ARK2C: variants seen among roughly 807,000 people sequenced by gnomAD.
ARK2C encodes the protein E3 ubiquitin-protein ligase ARK2C.
the ARK2C span, among the ~76,000 whole-genome samples, chr18:46,363,204 G>A: frequency 3.3e-5 from 5 of 152,214 alleles, no homozygotes; most frequent in African/African-American, 1.2e-4. Flanking sequence ...TGGCTTTACT[G>A]TGTTGTCAGC....
chr18:46,378,480 T>C, the ARK2C span, among the ~76,000 whole-genome samples: 55 of 152,284 alleles, frequency 3.6e-4, 1 homozygote, highest in South Asian at 0.011. Context: ...TTTGCACCGC[T>C]TTCTGTAAGT....
the ARK2C span, among the ~76,000 whole-genome samples, chr18:46,358,130 C>T: frequency 6.6e-6 from 1 of 152,232 alleles, no homozygotes; most frequent in Non-Finnish European, 1.5e-5. Flanking sequence ...ATTAGGACAT[C>T]AACCTATCTT....
At chr18:46,400,407 T>G in the ARK2C span, among the ~76,000 whole-genome samples, 1 of 152,220 alleles carries the variant, frequency 6.6e-6, no homozygotes, top group Non-Finnish European at 1.5e-5. Flanking sequence ...AGCTCTGATG[T>G]CTCCCTTCTG....
At chr18:46,444,373 T>C in the ARK2C span, among the ~76,000 whole-genome samples, 1 of 152,192 alleles carries the variant, frequency 6.6e-6, no homozygotes, top group Non-Finnish European at 1.5e-5. Context: ...TCCCCTCTTT[T>C]TGGGTCTTTA....
chr18:46,451,551 T>C, the ARK2C span, among the ~76,000 whole-genome samples: 2 of 152,120 alleles, frequency 1.3e-5, no homozygotes, highest in Admixed American at 1.3e-4. Context: ...TCTCAGTGCT[T>C]TGGAAGGCTA....
the ARK2C span, among the ~76,000 whole-genome samples, chr18:46,362,096 T>C: frequency 6.6e-6 from 1 of 152,194 alleles, no homozygotes; most frequent in Admixed American, 6.5e-5. Context: ...CCCACTCATA[T>C]GGGAGTGTAA....
the ARK2C span, chr18:46,335,064 GTGTC>G: frequency 6.6e-6 from 1 of 152,410 alleles, no homozygotes; most frequent in African/African-American, 2.4e-5. Flanking sequence ...GTGTGTGTGT[GTGTC>G]TGTATGTGTG....
the ARK2C span, among the ~76,000 whole-genome samples, chr18:46,341,991 G>A: frequency 4.6e-5 from 7 of 152,232 alleles, no homozygotes; most frequent in Non-Finnish European, 8.8e-5. Context: ...TGGGAGAGGA[G>A]AGGGCAGGGA....
chr18:46,380,746 G>A, the ARK2C span, among the ~76,000 whole-genome samples: 1 of 152,220 alleles, frequency 6.6e-6, no homozygotes, highest in African/African-American at 2.4e-5. Flanking sequence ...CTGTCTGCTT[G>A]TGAGTGGCCT....
the ARK2C span, among the ~76,000 whole-genome samples, chr18:46,396,709 G>T: frequency 6.6e-6 from 1 of 152,132 alleles, no homozygotes; most frequent in African/African-American, 2.4e-5. Flanking sequence ...CCAAAGCTTA[G>T]GCACAATTGA....
chr18:46,352,905 C>A, the ARK2C span, among the ~76,000 whole-genome samples: 3 of 152,220 alleles, frequency 2.0e-5, no homozygotes, highest in African/African-American at 4.8e-5. Context: ...AGAACCCACA[C>A]GTCAGGTCTT....
At chr18:46,369,967 A>T in the ARK2C span, among the ~76,000 whole-genome samples, 1 of 152,130 alleles carries the variant, frequency 6.6e-6, no homozygotes, top group Non-Finnish European at 1.5e-5. Flanking sequence ...GCACACATGC[A>T]CACACACGCA....
the ARK2C span, among the ~76,000 whole-genome samples, chr18:46,358,938 C>T: frequency 2.0e-5 from 3 of 152,162 alleles, no homozygotes; most frequent in Admixed American, 2.0e-4. Context: ...ACTCTTGTCC[C>T]CACAGAGCCC....
At chr18:46,345,231 C>T in the ARK2C span, among the ~76,000 whole-genome samples, 1 of 152,322 alleles carries the variant, frequency 6.6e-6, no homozygotes, top group East Asian at 1.9e-4. Context: ...CTCTTCCTGC[C>T]AGGAGGAAAG....
chr18:46,374,554 G>T, the ARK2C span, among the ~76,000 whole-genome samples: 9 of 152,154 alleles, frequency 5.9e-5, no homozygotes, highest in Non-Finnish European at 7.3e-5. Flanking sequence ...TCAGGAGAAC[G>T]TCTTCAGGGT....
chr18:46,346,549 G>A, the ARK2C span, among the ~76,000 whole-genome samples: 1 of 152,182 alleles, frequency 6.6e-6, no homozygotes, highest in African/African-American at 2.4e-5. Context: ...TTTGCCATCA[G>A]GCAGTCTTTA....
At chr18:46,407,097 G>A in the ARK2C span, among the ~76,000 whole-genome samples, 1 of 152,170 alleles carries the variant, frequency 6.6e-6, no homozygotes, top group East Asian at 1.9e-4. Flanking sequence ...ACTATAAATT[G>A]CATCCTACCA....
the ARK2C span, among the ~76,000 whole-genome samples, chr18:46,355,718 C>G: frequency 1.4e-5 from 2 of 143,888 alleles, no homozygotes; most frequent in Admixed American, 7.2e-5. Flanking sequence ...GGCTTCCTGG[C>G]AGAGCTGTGG....
chr18:46,421,703 G>A, the ARK2C span, among the ~76,000 whole-genome samples: 1 of 152,172 alleles, frequency 6.6e-6, no homozygotes, highest in Non-Finnish European at 1.5e-5. Flanking sequence ...GTCCATGATG[G>A]CAACTGGAGC....
Sources: allele counts gnomAD v4.1 joint callset (sites outside exome capture counted in the v4.1 genomes callset), GRCh38; gene constraint gnomAD v4.1.1; transcripts MANE v1.5; gene names NCBI Gene and HGNC (gene_info 2026-07-23, HGNC 2026-07-21).